SMARCB1: variants seen among roughly 807,000 people sequenced by gnomAD.
SMARCB1 encodes the protein SWI/SNF-related matrix-associated actin-dependent regulator of chromatin subfamily B member 1.
SMARCB1 carries 5 observed loss-of-function variants against 49.0 expected under a neutral mutation model. The ratio of observed to expected loss-of-function variants is 0.10; its 90% CI spans 0.05 to 0.21. The LOEUF is 0.21. Among genes scored for constraint, SMARCB1 ranks in the 10% least tolerant of loss-of-function variants. The probability of loss-of-function intolerance (pLI) is 1.00; values close to 1 mark genes in which losing one functional copy is unlikely to be tolerated. For synonymous variants in SMARCB1, 201 were observed against 200.1 expected (o/e 1.00, Z -0.04); for missense variants, 226 against 509.2 (o/e 0.44, Z 5.35).
intron 7 of SMARCB1, 62 bp downstream of exon 7, chr22:23,825,477 T>A: frequency 7.1e-7 from 1 of 1,415,076 alleles, no homozygotes. Context: ...TGAGAAAGAC[T>A]TCTCTGTGTG....
intron 5 of SMARCB1, chr22:23,804,060 ATTATT>A (rs1004009964): frequency 7.2e-5 from 11 of 151,986 alleles, no homozygotes; most frequent in African/African-American, 2.7e-4. Flanking sequence ...ATGTATTTTT[ATTATT>A]TTATTTTATG....
rs1427150437 is a variant in SMARCB1, at chr22:23,833,706, A to G, written c.1118+3A>G. On this transcript the variant is annotated splice_donor_region_variant and intron_variant, in intron 8 of 8. Coordinates refer to ENST00000644036, the MANE Select transcript of SMARCB1 (RefSeq NM_003073.5). ...CGCGACCAGGACAGGAACACGAGGT[A>G]CCCCTGGCCCTGTGGTCCTGGGCTC... 6.2e-7 allele frequency: 1 copy of G among 1,613,902 alleles called. No individual in the cohort carries two copies. Among genetic ancestry groups the G allele is most frequent in the Admixed American group, 1.7e-5 (1 of 60,026 alleles).
chr22:23,812,079 A>C (rs1396866639), intron 5 of SMARCB1, among the ~76,000 whole-genome samples: 1 of 152,238 alleles, frequency 6.6e-6, no homozygotes, highest in South Asian at 2.1e-4. Context: ...TGCAAAACAC[A>C]AAGTACCACA....
At chr22:23,812,291 A>T (rs1929919043) in intron 5 of SMARCB1, among the ~76,000 whole-genome samples, 1 of 152,134 alleles carries the variant, frequency 6.6e-6, no homozygotes, top group South Asian at 2.1e-4. Context: ...TCCAATCTCT[A>T]ATTAAATTTT....
At chr22:23,826,884 C>A (rs1055400216) in intron 7 of SMARCB1, among the ~76,000 whole-genome samples, 1 of 152,182 alleles carries the variant, frequency 6.6e-6, no homozygotes, top group Non-Finnish European at 1.5e-5. Flanking sequence ...ACCTGCCCCC[C>A]AGCAGCCCTG....
At chr22:23,807,004 A>T (rs2267036) in intron 5 of SMARCB1, among the ~76,000 whole-genome samples, 19,083 of 151,396 alleles carry the variant, frequency 0.13, 1,294 homozygotes, top group South Asian at 0.28. Context: ...ATTTTCTCTG[A>T]AAAGGACTTG....
intron 5 of SMARCB1, among the ~76,000 whole-genome samples, chr22:23,809,238 T>G (rs2145993997): frequency 6.6e-6 from 1 of 151,466 alleles, no homozygotes; most frequent in African/African-American, 2.4e-5. Flanking sequence ...CTGTACCCAG[T>G]GACAATATTG....
chr22:23,790,720 A>G (rs547073689), intron 1 of SMARCB1, among the ~76,000 whole-genome samples: 7 of 152,116 alleles, frequency 4.6e-5, no homozygotes, highest in African/African-American at 1.4e-4. Flanking sequence ...GCAAGCAACT[A>G]TAGTCCCAGC....
intron 6 of SMARCB1, 150 bp from the exon 7 acceptor site, chr22:23,825,075 A>G (rs574319231): frequency 2.9e-6 from 2 of 687,852 alleles, no homozygotes; most frequent in Admixed American, 2.1e-5. Context: ...TGTTTTGGGG[A>G]TGGGGAACTG....
At position 23,801,097 on chromosome 22, in the gene SMARCB1, T is replaced by G; in HGVS notation, c.500+16T>G. The G allele has an allele frequency of 6.2e-7, 1 of 1,614,230 alleles. No individual in the cohort carries two copies. The highest frequency in any genetic ancestry group is 8.5e-7 in the Non-Finnish European group (1 of 1,180,042). Reference sequence around the variant, plus strand: ...TCCCCCTTTGGTGTGGATGCATCGCTGCACTCACCCTCCGTGCTGATTCCG... The same window carrying G: ...TCCCCCTTTGGTGTGGATGCATCGCGGCACTCACCCTCCGTGCTGATTCCG... On this transcript the variant is annotated intron_variant, in intron 4 of 8. Coordinates refer to ENST00000644036, the MANE Select transcript of SMARCB1 (RefSeq NM_003073.5).
At chr22:23,808,244 C>T (rs1601411184) in intron 5 of SMARCB1, among the ~76,000 whole-genome samples, 1 of 152,078 alleles carries the variant, frequency 6.6e-6, no homozygotes, top group East Asian at 1.9e-4. Context: ...CCTCAGCCTC[C>T]CGAGCAGCTG....
chr22:23,818,137 GGTGTGT>G (rs60463265), intron 6 of SMARCB1: 5,587 of 132,862 alleles, frequency 0.042, 373 homozygotes, highest in African/African-American at 0.15. Flanking sequence ...AAATACTTTG[GGTGTGT>G]GTGTGTGTGT....
At chr22:23,821,627 A>G (rs1417004721) in intron 6 of SMARCB1, among the ~76,000 whole-genome samples, 2 of 152,008 alleles carry the variant, frequency 1.3e-5, no homozygotes, top group Non-Finnish European at 2.9e-5. Context: ...AGGTGGGCAG[A>G]TTGCCTGAGC....
At chr22:23,803,583 G>T (rs143220438) in intron 5 of SMARCB1, 161 bp downstream of exon 5, 176 of 806,756 alleles carry the variant, frequency 2.2e-4, no homozygotes, top group Non-Finnish European at 2.2e-4. Flanking sequence ...TTCAGTCCTG[G>T]TTCTGTTGCT....
chr22:23,816,261 C>T (rs904801433), intron 5 of SMARCB1: 3 of 213,730 alleles, frequency 1.4e-5, no homozygotes, highest in African/African-American at 4.6e-5. Context: ...GGGACCTCCA[C>T]GCTTGTGACC....
intron 5 of SMARCB1, 107 bp from the exon 6 acceptor site, chr22:23,816,663 T>C (rs1214626098): frequency 1.8e-5 from 20 of 1,088,604 alleles, no homozygotes; most frequent in Non-Finnish European, 8.4e-6. Flanking sequence ...GGTTGTCCTC[T>C]CCTGCATCCG....
intron 5 of SMARCB1, among the ~76,000 whole-genome samples, chr22:23,804,675 C>G (rs1929383330): frequency 6.6e-6 from 1 of 152,164 alleles, no homozygotes. Context: ...TCCTGAGTAG[C>G]TGGAACTACA....
At chr22:23,801,184 G>T (rs1929130608) in intron 4 of SMARCB1, 103 bp downstream of exon 4, 1 of 1,543,572 alleles carries the variant, frequency 6.5e-7, no homozygotes, top group African/African-American at 1.4e-5. Flanking sequence ...CTTTGACCTT[G>T]TGCTCCCCAC....
At chr22:23,799,159 G>T (rs944894404) in intron 3 of SMARCB1, among the ~76,000 whole-genome samples, 1 of 152,038 alleles carries the variant, frequency 6.6e-6, no homozygotes, top group African/African-American at 2.4e-5. Flanking sequence ...ACACACAGTC[G>T]CTGCCTGCTC....
Sources: allele counts gnomAD v4.1 joint callset (sites outside exome capture counted in the v4.1 genomes callset), GRCh38; gene constraint gnomAD v4.1.1; transcripts MANE v1.5; gene names NCBI Gene and HGNC (gene_info 2026-07-23, HGNC 2026-07-21).